The following KANSL1L variants were observed in gnomAD, a reference collection of about 807,000 sequenced individuals.
The protein encoded by KANSL1L is KAT8 regulatory NSL complex subunit 1 like, also known as KAT8 regulatory NSL complex subunit 1-like protein.
Under a neutral mutation model 108.6 loss-of-function variants are expected in KANSL1L, and 25 were observed. The observed-to-expected ratio is 0.23, with a 90% CI of 0.17 to 0.32. KANSL1L has a LOEUF of 0.32. Among genes scored for constraint, KANSL1L ranks in the 10% least tolerant of loss-of-function variants. KANSL1L has a pLI of 1.00. For missense variants in KANSL1L, 1,137 were observed against 1,125.7 expected (o/e 1.01, Z -0.14); for synonymous variants, 405 against 395.1 (o/e 1.03, Z -0.30).
chr2:210,111,902 G>A (rs1346031839), intron 3 of KANSL1L, among the ~76,000 whole-genome samples: 1 of 98,454 alleles, frequency 1.0e-5, no homozygotes, highest in Non-Finnish European at 2.1e-5. Context: ...CCCCACAACA[G>A]TCCCTGGTGT....
chr2:210,044,243 C>A lies in KANSL1L; in HGVS notation c.1756-139G>T. On this transcript the variant is annotated intron_variant, in intron 6 of 14. Transcript: ENST00000281772. This position sits in a 1 kb window ranked among gnomAD's most constrained non-coding sequence, Gnocchi z 4.2. ...ACAAATATTTTGCTAGATGTTTTCC[C>A]AATTAACTTTAATATTTATTAATTC... The A allele has an allele frequency of 2.1e-6, 1 of 484,984 alleles. No homozygotes were observed. Among genetic ancestry groups the A allele is most frequent in the Non-Finnish European group, 3.5e-6 (1 of 286,258 alleles). The allele number at this position is 484,984 out of a possible 1,614,324, so 30.0% of individuals were successfully genotyped here.
intron 6 of KANSL1L, among the ~76,000 whole-genome samples, chr2:210,064,855 A>G (rs1159940488): frequency 1.3e-5 from 2 of 151,016 alleles, no homozygotes; most frequent in Admixed American, 6.6e-5. Context: ...AAAAAAAATT[A>G]GTGTAACACT....
intron 1 of KANSL1L, among the ~76,000 whole-genome samples, chr2:210,164,130 CATATAT>C (rs986522120): frequency 2.0e-5 from 3 of 152,060 alleles, no homozygotes; most frequent in Non-Finnish European, 2.9e-5. Context: ...TTAATGTCAT[CATATAT>C]ATAAAGTATC....
intron 8 of KANSL1L, among the ~76,000 whole-genome samples, chr2:210,037,311 G>A (rs55996099): frequency 0.19 from 28,573 of 152,000 alleles, 2,946 homozygotes; most frequent in South Asian, 0.23. Context: ...TTTCCTAGCT[G>A]TTGGCCATGA....
At position 210,022,031 on chromosome 2, in the gene KANSL1L, GA is replaced by G. The variant is rs1352662865; in HGVS notation, c.*917del. 114 of 142,332 alleles carry G rather than the reference GA, an allele frequency of 8.0e-4. No individual in the cohort carries two copies. Among genetic ancestry groups the G allele is most frequent in the African/African-American group, 3.0e-3 (109 of 36,536 alleles). 8.8% of individuals were successfully genotyped at this position (142,332 alleles called of 1,614,324 possible). Reference sequence around the variant, plus strand: ...TTTTTTTTTTTTCAAATTTTATACTGATAGGGCTTTACTGTTTGTGGCTCAT... The same window carrying G: ...TTTTTTTTTTTTCAAATTTTATACTGTAGGGCTTTACTGTTTGTGGCTCAT... On this transcript the variant is annotated 3_prime_UTR_variant, in exon 15 of 15. Transcript: ENST00000281772.
At chr2:210,134,614 T>C (rs558433036) in intron 2 of KANSL1L, among the ~76,000 whole-genome samples, 1 of 152,256 alleles carries the variant, frequency 6.6e-6, no homozygotes, top group South Asian at 2.1e-4. Context: ...AGAGCATGTG[T>C]AGAGTAGCCA....
intron 2 of KANSL1L, among the ~76,000 whole-genome samples, chr2:210,140,666 A>T (rs1372895217): frequency 1.3e-5 from 2 of 152,080 alleles, no homozygotes; most frequent in African/African-American, 4.8e-5. Context: ...TAAATTTTTG[A>T]ATTTTTTCCC....
chr2:210,166,794 G>T (rs1312442753), intron 1 of KANSL1L, among the ~76,000 whole-genome samples: 1 of 152,020 alleles, frequency 6.6e-6, no homozygotes, highest in African/African-American at 2.4e-5. Flanking sequence ...TGAGAGAGGG[G>T]AGAACCCTGA....
chr2:210,104,384 A>G (rs1198919957), intron 3 of KANSL1L, 83 bp from the exon 4 acceptor site: 1 of 895,784 alleles, frequency 1.1e-6, no homozygotes, highest in East Asian at 2.6e-5. Context: ...ACTTGAATCT[A>G]TGCTTCCACT....
At chr2:210,120,105 G>A (rs780597882) in intron 3 of KANSL1L, among the ~76,000 whole-genome samples, 2 of 152,102 alleles carry the variant, frequency 1.3e-5, no homozygotes, top group Non-Finnish European at 2.9e-5. Context: ...AGTAAGTGGT[G>A]CTGGCCAGGC....
In KANSL1L at chr2:210,033,537, AT is replaced by A. The variant is rs531245187; in HGVS notation, c.2030-1992del. 1.5e-3 allele frequency among the ~76,000 whole-genome samples: 222 copies of A among 150,292 alleles called. 3 individuals carry two copies. Among genetic ancestry groups the A allele is most frequent in the African/African-American group, 5.2e-3 (214 of 41,016 alleles). ...AAGGAATCAACTTTCACAAAAGTTGATTTTTTTTTTGAGACGGAGTCTCGCT... is the reference window on the plus strand; with the variant it reads ...AAGGAATCAACTTTCACAAAAGTTGATTTTTTTTTGAGACGGAGTCTCGCT... On this transcript the variant is annotated intron_variant, in intron 8 of 14. Transcript: ENST00000281772.
chr2:210,024,612 A>T (rs929103197), intron 13 of KANSL1L, among the ~76,000 whole-genome samples: 2 of 152,068 alleles, frequency 1.3e-5, no homozygotes, highest in African/African-American at 4.8e-5. Flanking sequence ...TATAATAATT[A>T]TGTCTGATTT....
chr2:210,156,762 C>T (rs1319079742), intron 1 of KANSL1L, among the ~76,000 whole-genome samples: 1 of 151,788 alleles, frequency 6.6e-6, no homozygotes, highest in African/African-American at 2.4e-5. Flanking sequence ...ATTTTAACTA[C>T]AAAATCTTAT....
At chr2:210,122,902 A>G (rs553447326) in intron 3 of KANSL1L, among the ~76,000 whole-genome samples, 6 of 152,318 alleles carry the variant, frequency 3.9e-5, no homozygotes, top group African/African-American at 1.4e-4. Context: ...GACCTTTCTC[A>G]AAAGAAGACA....
intron 11 of KANSL1L, chr2:210,028,403 C>CTTTTTTTTTT (rs397872290): frequency 3.5e-5 from 3 of 85,980 alleles, no homozygotes; most frequent in Non-Finnish European, 6.6e-5. Context: ...GCATCAAAAT[C>CTTTTTTTTTT]TTTTTTTTTT....
chr2:210,144,111 G>A (rs972684682), intron 2 of KANSL1L, among the ~76,000 whole-genome samples: 2 of 152,028 alleles, frequency 1.3e-5, no homozygotes, highest in Non-Finnish European at 2.9e-5. Flanking sequence ...TGGTTGGCAG[G>A]TTTCTTTCTT....
chr2:210,118,187 G>A (rs1197338262), intron 3 of KANSL1L, among the ~76,000 whole-genome samples: 5 of 148,574 alleles, frequency 3.4e-5, no homozygotes, highest in East Asian at 2.0e-4. Flanking sequence ...AAAAGGAGGG[G>A]GGCGGGTGCG....
intron 6 of KANSL1L, among the ~76,000 whole-genome samples, chr2:210,047,655 T>C (rs761648271): frequency 9.9e-5 from 15 of 152,256 alleles, no homozygotes; most frequent in Non-Finnish European, 2.1e-4. Flanking sequence ...TAATAGTTTT[T>C]CCCATCTAAA....
chr2:210,053,411 A>G (rs2094314715), intron 6 of KANSL1L, among the ~76,000 whole-genome samples: 1 of 152,180 alleles, frequency 6.6e-6, no homozygotes, highest in Non-Finnish European at 1.5e-5. Context: ...AGCCTGGCCA[A>G]CATGGTGAGA....
Sources: gnomAD v4.1 joint callset for allele counts (sites outside exome capture counted in the v4.1 genomes callset) on GRCh38, gnomAD v4.1.1 for gene constraint, Gnocchi (gnomAD v3.1) non-coding constraint, MANE v1.5 for transcripts, NCBI Gene and HGNC (gene_info 2026-07-23, HGNC 2026-07-21) for gene names.